LTBP1: variants seen among roughly 807,000 people sequenced by gnomAD.
The protein encoded by LTBP1 is latent-transforming growth factor beta-binding protein 1.
A neutral mutation model predicts 207.6 loss-of-function variants in LTBP1; 129 were observed. The ratio of observed to expected loss-of-function variants is 0.62; its 90% CI spans 0.54 to 0.72. The LOEUF (loss-of-function observed/expected upper bound fraction) is 0.72. Among genes scored for constraint, LTBP1 ranks in the 30% least tolerant of loss-of-function variants. The pLI, the probability that LTBP1 is intolerant of heterozygous loss-of-function variation, is 0.00. For synonymous variants in LTBP1, 963 were observed against 833.7 expected, an observed-to-expected ratio of 1.16 and a Z score of -2.67; for missense variants, 2,281 against 2,217.2, an observed-to-expected ratio of 1.03 and a Z score of -0.58.
At chr2:33,063,486 A>G (rs1209643677) in intron 3 of LTBP1, among the ~76,000 whole-genome samples, 4 of 152,286 alleles carry the variant, frequency 2.6e-5, no homozygotes, top group East Asian at 3.9e-4. Context: ...AGCTTAATAC[A>G]TTTTATTTTA....
At chr2:33,172,299 A>T (rs1445186875) in intron 5 of LTBP1, among the ~76,000 whole-genome samples, 1 of 152,208 alleles carries the variant, frequency 6.6e-6, no homozygotes, top group Non-Finnish European at 1.5e-5. Flanking sequence ...AAATAAAAGG[A>T]TGGAAGAAGA....
chr2:33,057,505 G>T (rs532482564), intron 3 of LTBP1, among the ~76,000 whole-genome samples: 2 of 152,224 alleles, frequency 1.3e-5, no homozygotes, highest in Non-Finnish European at 1.5e-5. Context: ...GGCTCAGGCC[G>T]CACAGGAGCC....
chr2:33,288,438 G>A (rs946716062), intron 19 of LTBP1, among the ~76,000 whole-genome samples: 2 of 152,160 alleles, frequency 1.3e-5, no homozygotes, highest in Non-Finnish European at 2.9e-5. Flanking sequence ...ACACCCCAAG[G>A]CAACGAGACA....
Position 33,273,686 on chromosome 2 carries a change from T to C in LTBP1, c.2648T>C (p.Ile883Thr), listed in dbSNP as rs2093366345. ...AATGAATGTACTGTGAACCCTGATATCTGTGGAGCAGGACACTGCATTAAC... is the reference window on the plus strand; with the variant it reads ...AATGAATGTACTGTGAACCCTGATACCTGTGGAGCAGGACACTGCATTAAC... Reference protein sequence around the residue: ...EINECTVNPDICGAGHCINLP... With the variant: ...EINECTVNPDTCGAGHCINLP... Residue 883 changes from isoleucine (I) to threonine (T), a missense_variant, in exon 16 of 34, where the codon ATC becomes ACC. By Grantham distance (89) the Ile-to-Thr change is moderately conservative (BLOSUM62 -1). Transcript: ENST00000404816. 1 of 1,609,982 alleles carries C rather than the reference T, an allele frequency of 6.2e-7. No homozygotes were observed. Among genetic ancestry groups the C allele is most frequent in the Non-Finnish European group, 8.5e-7 (1 of 1,178,144 alleles).
At chr2:33,292,001 C>A (rs1040785926) in intron 19 of LTBP1, among the ~76,000 whole-genome samples, 1 of 152,110 alleles carries the variant, frequency 6.6e-6, no homozygotes, top group African/African-American at 2.4e-5. Context: ...ATGTTATAGA[C>A]CCCTATAAGA....
At chr2:33,352,434 CTA>C (rs1186825152) in intron 26 of LTBP1, among the ~76,000 whole-genome samples, 2 of 152,132 alleles carry the variant, frequency 1.3e-5, no homozygotes, top group African/African-American at 4.8e-5. Context: ...CCAACTCTGT[CTA>C]TTTATTAATT....
intron 15 of LTBP1, among the ~76,000 whole-genome samples, chr2:33,272,356 C>T (rs1325099209): frequency 6.6e-6 from 1 of 152,212 alleles, no homozygotes; most frequent in African/African-American, 2.4e-5. Flanking sequence ...CCTAGGTTGT[C>T]ATGCTCAGAG....
chr2:33,056,594 T>C, intron 3 of LTBP1: 1 of 337,302 alleles, frequency 3.0e-6, no homozygotes, highest in Non-Finnish European at 5.6e-6. Context: ...TCGCAGTGAG[T>C]GTTATAGTTC....
chr2:33,359,252 G>T (rs1040373499), intron 26 of LTBP1, among the ~76,000 whole-genome samples: 1 of 152,160 alleles, frequency 6.6e-6, no homozygotes, highest in Admixed American at 6.5e-5. Flanking sequence ...TATTTCAGAG[G>T]TTTGTTTGCT....
At chr2:33,361,401 T>TC in intron 27 of LTBP1, 28 bp from the exon 28 acceptor site, 1 of 1,423,412 alleles carries the variant, frequency 7.0e-7, no homozygotes, top group Non-Finnish European at 9.5e-7. Context: ...TTGAATCTTT[T>TC]TTTTTTTTTT....
At chr2:33,297,504 G>A (rs564347150) in intron 20 of LTBP1, among the ~76,000 whole-genome samples, 24 of 151,556 alleles carry the variant, frequency 1.6e-4, no homozygotes, top group African/African-American at 5.3e-4. Context: ...CGATCTCGGC[G>A]CACTGCAACC....
chr2:33,335,401 G>A (rs2094543428), intron 24 of LTBP1, among the ~76,000 whole-genome samples: 1 of 152,040 alleles, frequency 6.6e-6, no homozygotes, highest in African/African-American at 2.4e-5. Context: ...GATGTCGTCT[G>A]CTGTTTCTGG....
chr2:33,027,576 C>T (rs189649575), intron 3 of LTBP1, among the ~76,000 whole-genome samples: 82 of 152,254 alleles, frequency 5.4e-4, no homozygotes, highest in Non-Finnish European at 7.4e-5. Context: ...GTAGCTCACA[C>T]CTGTAATCCC....
intron 5 of LTBP1, among the ~76,000 whole-genome samples, chr2:33,177,620 A>G (rs1228449066): frequency 6.6e-6 from 1 of 151,432 alleles, no homozygotes. Flanking sequence ...GTGAGCCGAG[A>G]TCACACCACT....
Position 32,947,418 on chromosome 2 carries a change from G to T in LTBP1, c.94G>T (p.Val32Leu). ...CCGGCTGCGGAGGATCACCTACGTGGTGCACCCGGGCCCCGGCCTGGCAGC... is the reference window on the plus strand; with the variant it reads ...CCGGCTGCGGAGGATCACCTACGTGTTGCACCCGGGCCCCGGCCTGGCAGC... ...HGRLRRITYV[V>L]HPGPGLAAGA... is the part of the protein sequence containing the mutation. The change falls in exon 1 of 34, where the codon GTG becomes TTG. Residue 32 changes from valine (V) to leucine (L), a missense_variant. Physicochemically the swap from Val to Leu is conservative, Grantham distance 32 (BLOSUM62 1). Coordinates refer to ENST00000404816, the MANE Select transcript of LTBP1 (RefSeq NM_206943.4). The T allele has an allele frequency of 7.0e-7, 1 of 1,436,162 alleles. No homozygotes were observed. The highest frequency in any genetic ancestry group is 1.4e-5 in the South Asian group (1 of 73,896). 89.0% of individuals were successfully genotyped at this position (1,436,162 alleles called of 1,614,324 possible).
At position 33,382,074 on chromosome 2, in the gene LTBP1, C is replaced by CTTTTTTTTTTTT. The variant is rs70938398; in HGVS notation, c.4712-7083_4712-7072dup. On this transcript the variant is annotated intron_variant, in intron 31 of 33. Transcript: ENST00000404816. ...TACAGCAGTTAGCGCCCTACTGCTTCTTTTTTTTTTTTTTTTTTTTTTTTT... is the reference window on the plus strand; with the variant it reads ...TACAGCAGTTAGCGCCCTACTGCTTCTTTTTTTTTTTTTTTTTTTTTTTTTTTTTTTTTTTTT... Among the ~76,000 whole-genome samples, 24 of 46,782 alleles carry CTTTTTTTTTTTT rather than the reference C, an allele frequency of 5.1e-4. 7 individuals carry two copies. The highest frequency in any genetic ancestry group is 6.5e-4 in the Admixed American group (2 of 3,058). 30.7% of individuals were successfully genotyped at this position (46,782 alleles called of 152,430 possible). A position where few individuals can be genotyped will look rare whatever the true frequency, so the allele number is the denominator to read the frequency against.
At chr2:33,370,388 T>C (rs2095052536) in intron 31 of LTBP1, among the ~76,000 whole-genome samples, 1 of 152,160 alleles carries the variant, frequency 6.6e-6, no homozygotes, top group South Asian at 2.1e-4. Flanking sequence ...GTCAGTTACC[T>C]GGGGGAGCTT....
Position 33,263,823 on chromosome 2 carries a change from C to T in LTBP1, c.2617+431C>T, listed in dbSNP as rs1016706202. Reference sequence around the variant, plus strand: ...AAAAAATTAGCCAGGTGTGGTGGTGCGCACCTGTAGTCCCAGCTACTTGGG... The same window carrying T: ...AAAAAATTAGCCAGGTGTGGTGGTGTGCACCTGTAGTCCCAGCTACTTGGG... On this transcript the variant is annotated intron_variant, in intron 15 of 33. Transcript: ENST00000404816. Among the ~76,000 whole-genome samples, 17 of 151,550 alleles carry T rather than the reference C, an allele frequency of 1.1e-4. 1 individual carries two copies. In the East Asian group the frequency reaches 1.8e-3, roughly 16 times the overall value.
intron 5 of LTBP1, among the ~76,000 whole-genome samples, chr2:33,158,304 A>T (rs2148031509): frequency 6.6e-6 from 1 of 152,338 alleles, no homozygotes; most frequent in South Asian, 2.1e-4. Context: ...CCAAATATCC[A>T]GGGATTAAGT....
Sources: gnomAD v4.1 joint callset for allele counts (sites outside exome capture counted in the v4.1 genomes callset) on GRCh38, gnomAD v4.1.1 for gene constraint, MANE v1.5 for transcripts, NCBI Gene and HGNC (gene_info 2026-07-23, HGNC 2026-07-21) for gene names.